The following CGGBP1 variants were observed in gnomAD, a reference collection of about 807,000 sequenced individuals.
CGGBP1 encodes the protein CGG triplet repeat-binding protein 1.
CGGBP1 carries 4 observed loss-of-function variants against 11.4 expected under a neutral mutation model. The ratio of observed to expected loss-of-function variants is 0.35; its 90% CI spans 0.17 to 0.80. The LOEUF is 0.80. Among genes scored for constraint, CGGBP1 ranks in the 30% least tolerant of loss-of-function variants. The probability of loss-of-function intolerance (pLI) is 0.52; values close to 1 mark genes in which losing one functional copy is unlikely to be tolerated. For synonymous variants in CGGBP1, 76 were observed against 74.1 expected (o/e 1.03, Z -0.13); for missense variants, 135 against 202.1 (o/e 0.67, Z 2.01).
Position 88,092,562 on chromosome 3 carries a change from CAG to C in CGGBP1, c.-228-34341_-228-34340del, listed in dbSNP as rs566745913. Among the ~76,000 whole-genome samples the C allele has an allele frequency of 8.9e-3, 1,358 of 152,164 alleles. 14 individuals are homozygous for C. The highest frequency in any genetic ancestry group is 0.013 in the Non-Finnish European group (861 of 68,002). ...AGAAGAGCCTCTTAGGGATGGCAAA[CAG>C]AATGTTTAAGGCACCTGGATATTAA... On this transcript the variant is annotated intron_variant, in intron 2 of 3. Coordinates refer to the CGGBP1 transcript ENST00000462901.
Position 88,055,600 on chromosome 3 carries a change from A to G in CGGBP1, c.377T>C (p.Val126Ala), listed in dbSNP as rs781376365. The G allele has an allele frequency of 1.9e-6, 3 of 1,613,966 alleles. No individual in the cohort carries two copies. The highest frequency in any genetic ancestry group is 1.7e-6 in the Non-Finnish European group (2 of 1,179,830). The change falls in exon 4 of 4, where the codon GTC (valine) becomes GCC (alanine). Residue 126 changes from valine (V) to alanine (A), a missense_variant. Coordinates refer to ENST00000482016, the MANE Select transcript of CGGBP1 (RefSeq NM_001008390.2). This position sits in a 1 kb window ranked among gnomAD's most constrained non-coding sequence, Gnocchi z 4.2. The part of the protein sequence containing the change: ...IPLEKADHPA[V>A]RAFLSRHVKN... ...CACATGGCGAGATAGGAAAGCACGG[A>G]CTGCTGGGTGATCAGCCTTCTCAAG...
At position 88,144,255 on chromosome 3, in the gene CGGBP1, T is replaced by C. The variant is rs182937096; in HGVS notation, c.-337-3177A>G. ...TTTTTTGAAACCACCAATTATATAA[T>C]ACTTAAATAATTTATATCATTGAAC... On this transcript the variant is annotated intron_variant, in intron 1 of 3. Coordinates refer to the CGGBP1 transcript ENST00000462901. The C allele has an allele frequency of 2.5e-3, 377 of 152,456 alleles. 1 individual carries two copies. Among genetic ancestry groups the C allele is most frequent in the African/African-American group, 8.8e-3 (364 of 41,550 alleles). The allele number at this position is 152,456 out of a possible 1,614,324, so 9.4% of individuals were successfully genotyped here. A position where few individuals can be genotyped will look rare whatever the true frequency, so the allele number is the denominator to read the frequency against.
intron 2 of CGGBP1, among the ~76,000 whole-genome samples, chr3:88,121,991 T>G (rs2107802592): frequency 6.6e-6 from 1 of 152,318 alleles, no homozygotes; most frequent in Admixed American, 6.5e-5. Context: ...CCTTCCTGTC[T>G]GTTTGAAAAA....
intron 2 of CGGBP1, among the ~76,000 whole-genome samples, chr3:88,109,156 TG>T: frequency 6.6e-6 from 1 of 151,278 alleles, no homozygotes; most frequent in African/African-American, 2.4e-5. Context: ...TGTGTGTGTG[TG>T]TGTGTGTGTG....
intron 2 of CGGBP1, among the ~76,000 whole-genome samples, chr3:88,103,150 CA>C (rs1186283639): frequency 6.6e-6 from 1 of 151,874 alleles, no homozygotes; most frequent in Non-Finnish European, 1.5e-5. Context: ...TTTCAAAAAC[CA>C]GAAATTACAG....
At chr3:88,105,238 A>C (rs1175637199) in intron 2 of CGGBP1, among the ~76,000 whole-genome samples, 15 of 152,066 alleles carry the variant, frequency 9.9e-5, no homozygotes, top group African/African-American at 3.1e-4. Flanking sequence ...CAAATAACAT[A>C]TCCATGCCCT....
intron 2 of CGGBP1, chr3:88,139,620 A>G (rs774572944): frequency 3.7e-6 from 6 of 1,613,682 alleles, no homozygotes; most frequent in South Asian, 1.1e-5. Context: ...TGAAGGAAAC[A>G]AAGAAGTCAT....
In CGGBP1 at chr3:88,054,220, C is replaced by T. The variant is rs1706489988; in HGVS notation, c.*1253G>A. 6.6e-6 allele frequency: 1 copy of T among 152,524 alleles called. No homozygotes were observed. The highest frequency in any genetic ancestry group is 2.1e-4 in the South Asian group (1 of 4,828). 9.4% of individuals were successfully genotyped at this position (152,524 alleles called of 1,614,324 possible). A position where few individuals can be genotyped will look rare whatever the true frequency, so the allele number is the denominator to read the frequency against. On this transcript the variant is annotated 3_prime_UTR_variant, in exon 4 of 4. Coordinates refer to ENST00000482016, the MANE Select transcript of CGGBP1 (RefSeq NM_001008390.2). ...GAATTTAAGATTTTTTATTAAAGCT[C>T]TAGTCCAAGTTTCCAGCTGTTAAAT...
intron 2 of CGGBP1, among the ~76,000 whole-genome samples, chr3:88,083,892 A>G (rs947679279): frequency 6.6e-6 from 1 of 151,580 alleles, no homozygotes; most frequent in Non-Finnish European, 1.5e-5. Context: ...CAGCACTCAC[A>G]GCATAGGAGA....
chr3:88,120,109 CATAT>C (rs1428571101), intron 2 of CGGBP1, among the ~76,000 whole-genome samples: 1 of 151,616 alleles, frequency 6.6e-6, no homozygotes, highest in Non-Finnish European at 1.5e-5. Flanking sequence ...TATAGGCATT[CATAT>C]ATTTTTATAA....
chr3:88,138,628 G>C (rs1348264082), intron 2 of CGGBP1: 10 of 844,690 alleles, frequency 1.2e-5, no homozygotes, highest in Non-Finnish European at 1.6e-5. Flanking sequence ...TTTAAGAGTT[G>C]TGTTTTTTAA....
chr3:88,139,016 T>C (rs2107887555), intron 2 of CGGBP1: 4 of 1,246,100 alleles, frequency 3.2e-6, no homozygotes, highest in Non-Finnish European at 4.0e-6. Context: ...TTTTTGACCC[T>C]GAATTTTGGA....
intron 2 of CGGBP1, among the ~76,000 whole-genome samples, chr3:88,082,419 C>G (rs181872621): frequency 1.5e-4 from 23 of 152,346 alleles, no homozygotes; most frequent in African/African-American, 4.6e-4. Context: ...GCCACCACAC[C>G]TGGCCTGTGA....
intron 2 of CGGBP1, among the ~76,000 whole-genome samples, chr3:88,094,582 T>C (rs1703945151): frequency 6.6e-6 from 1 of 152,142 alleles, no homozygotes; most frequent in African/African-American, 2.4e-5. Context: ...TTGATAGTTC[T>C]CTTGGTCAGT....
intron 2 of CGGBP1, among the ~76,000 whole-genome samples, chr3:88,127,093 A>C (rs1706153240): frequency 6.6e-6 from 1 of 152,214 alleles, no homozygotes; most frequent in African/African-American, 2.4e-5. Context: ...AACAGTGAAT[A>C]AGCACTAAAG....
intron 2 of CGGBP1, chr3:88,129,874 A>G: frequency 7.5e-7 from 1 of 1,337,250 alleles, no homozygotes; most frequent in Admixed American, 3.0e-5. Context: ...TGGGCAACAG[A>G]AAGGAAATTG....
At chr3:88,126,579 CTTTTTTTTTT>C (rs144091813) in intron 2 of CGGBP1, among the ~76,000 whole-genome samples, 2 of 81,744 alleles carry the variant, frequency 2.4e-5, no homozygotes, top group African/African-American at 9.0e-5. Context: ...GTAGAAACAT[CTTTTTTTTTT>C]TTTTTTTTTT....
intron 2 of CGGBP1, among the ~76,000 whole-genome samples, chr3:88,096,767 G>A (rs556813194): frequency 2.0e-5 from 3 of 152,054 alleles, no homozygotes; most frequent in Admixed American, 6.6e-5. Context: ...AAAGTGTGGC[G>A]TATACAATGA....
chr3:88,142,249 C>G (rs1277758910), intron 1 of CGGBP1: 1 of 147,290 alleles, frequency 6.8e-6, no homozygotes, highest in Non-Finnish European at 1.5e-5. Flanking sequence ...TTAATTAGGT[C>G]AAAGTTCAAT....
Sources: gnomAD v4.1 joint callset for allele counts (sites outside exome capture counted in the v4.1 genomes callset) on GRCh38, gnomAD v4.1.1 for gene constraint, Gnocchi (gnomAD v3.1) non-coding constraint, MANE v1.5 for transcripts, NCBI Gene and HGNC (gene_info 2026-07-23, HGNC 2026-07-21) for gene names.